The following EPB41L4A variants were observed in gnomAD, a reference collection of about 807,000 sequenced individuals.
EPB41L4A encodes the protein erythrocyte membrane protein band 4.1 like 4A.
In EPB41L4A, 100 loss-of-function variants were observed where a neutral mutation model predicts 108.6. The ratio of observed to expected loss-of-function variants is 0.92; its 90% CI spans 0.78 to 1.09. EPB41L4A has a LOEUF of 1.09. Ranked by LOEUF, EPB41L4A falls within the 50% of genes least tolerant of loss-of-function variation. EPB41L4A has a pLI of 0.00. For missense variants in EPB41L4A, 1,030 were observed against 842.7 expected, an observed-to-expected ratio of 1.22 and a Z score of -2.75; for synonymous variants, 319 against 289.0, an observed-to-expected ratio of 1.10 and a Z score of -1.05.
At chr5:112,256,502 T>A (rs930287744) in intron 9 of EPB41L4A, among the ~76,000 whole-genome samples, 1 of 151,984 alleles carries the variant, frequency 6.6e-6, no homozygotes, top group African/African-American at 2.4e-5. Context: ...CGACTAGATA[T>A]GAGATAAATA....
chr5:112,156,669 A>C (rs1759658814), intron 12 of EPB41L4A, among the ~76,000 whole-genome samples: 1 of 152,234 alleles, frequency 6.6e-6, no homozygotes, highest in African/African-American at 2.4e-5. Context: ...TGTGATCCAG[A>C]GTTGATACAT....
chr5:112,357,183 G>A (rs1391873853), intron 1 of EPB41L4A, among the ~76,000 whole-genome samples: 1 of 152,150 alleles, frequency 6.6e-6, no homozygotes, highest in East Asian at 1.9e-4. Context: ...TGAAATAAAA[G>A]CCATACCCCT....
chr5:112,276,594 A>G (rs1316480514), intron 3 of EPB41L4A, among the ~76,000 whole-genome samples: 2 of 152,226 alleles, frequency 1.3e-5, no homozygotes, highest in Non-Finnish European at 2.9e-5. Flanking sequence ...AATTAAAAAG[A>G]AAAGATGTGA....
intron 1 of EPB41L4A, among the ~76,000 whole-genome samples, chr5:112,417,332 G>T (rs72783626): frequency 6.6e-6 from 1 of 152,298 alleles, no homozygotes; most frequent in Non-Finnish European, 1.5e-5. Context: ...TGATTAAATA[G>T]GAAGCTCACA....
chr5:112,146,499 A>C (rs1759263807), intron 12 of EPB41L4A, among the ~76,000 whole-genome samples: 1 of 152,252 alleles, frequency 6.6e-6, no homozygotes, highest in Non-Finnish European at 1.5e-5. Context: ...TCAAGCTAAC[A>C]GCAAGGTTAC....
downstream of EPB41L4A, among the ~76,000 whole-genome samples, chr5:112,159,817 T>A (rs1307641619): frequency 1.3e-5 from 2 of 152,248 alleles, no homozygotes; most frequent in African/African-American, 4.8e-5. Flanking sequence ...AAATATCTTA[T>A]TAATAATCTC....
chr5:112,393,300 G>C (rs554678958), intron 1 of EPB41L4A, among the ~76,000 whole-genome samples: 1 of 152,202 alleles, frequency 6.6e-6, no homozygotes, highest in East Asian at 1.9e-4. Context: ...ATGAATCCAG[G>C]AGCTGGTTTT....
At chr5:112,269,339 G>C (rs1317423426) in intron 4 of EPB41L4A, among the ~76,000 whole-genome samples, 2 of 151,756 alleles carry the variant, frequency 1.3e-5, no homozygotes, top group African/African-American at 4.8e-5. Context: ...AAGCATCTTA[G>C]TAGAGTCATA....
At chr5:112,401,185 C>A (rs564463475) in intron 1 of EPB41L4A, among the ~76,000 whole-genome samples, 2 of 152,290 alleles carry the variant, frequency 1.3e-5, no homozygotes, top group Admixed American at 6.5e-5. Flanking sequence ...ACCTGCAGAA[C>A]CTGAGTAATA....
chr5:112,406,675 G>A, intron 1 of EPB41L4A, among the ~76,000 whole-genome samples: 1 of 152,064 alleles, frequency 6.6e-6, no homozygotes, highest in East Asian at 1.9e-4. Flanking sequence ...TATGGGAGGT[G>A]ATGGGATTGG....
intron 2 of EPB41L4A, among the ~76,000 whole-genome samples, chr5:112,286,432 G>A (rs895601106): frequency 2.6e-5 from 4 of 152,048 alleles, no homozygotes; most frequent in African/African-American, 9.7e-5. Flanking sequence ...ATTTTATTCC[G>A]TCATTCTCCT....
intron 1 of EPB41L4A, among the ~76,000 whole-genome samples, chr5:112,377,375 TGTATG>T (rs1759887519): frequency 1.3e-5 from 2 of 152,324 alleles, no homozygotes; most frequent in African/African-American, 4.8e-5. Flanking sequence ...AGGATCTCTC[TGTATG>T]GTTTCTTAAA....
At chr5:112,266,142 T>G in intron 5 of EPB41L4A, 91 bp downstream of exon 5, 1 of 896,818 alleles carries the variant, frequency 1.1e-6, no homozygotes. Flanking sequence ...ATCTCATGGA[T>G]AAGAAGAGTT....
intron 2 of EPB41L4A, among the ~76,000 whole-genome samples, chr5:112,286,562 G>T (rs1030238386): frequency 5.9e-5 from 9 of 152,132 alleles, no homozygotes; most frequent in African/African-American, 2.2e-4. Flanking sequence ...TAAGAGAAAT[G>T]CGTATGCATC....
At chr5:112,227,930 T>A (rs1367863229) in intron 12 of EPB41L4A, among the ~76,000 whole-genome samples, 3 of 151,842 alleles carry the variant, frequency 2.0e-5, no homozygotes, top group Admixed American at 2.0e-4. Context: ...CTATGGGGGG[T>A]CCAGAGCTGT....
chr5:112,346,216 A>ATGTTTTTTTTT (rs1757661481), intron 1 of EPB41L4A, among the ~76,000 whole-genome samples: 1 of 67,294 alleles, frequency 1.5e-5, no homozygotes, highest in Non-Finnish European at 3.1e-5. Flanking sequence ...GGTACATTGC[A>ATGTTTTTTTTT]TTTTTTTTTT....
intron 6 of EPB41L4A, 34 bp downstream of exon 6, chr5:112,264,862 A>C (rs776388412): frequency 6.3e-7 from 1 of 1,594,026 alleles, no homozygotes. Context: ...TGACTGATGG[A>C]TGATGCAATA....
chr5:112,331,758 G>A (rs1756585695), intron 1 of EPB41L4A, among the ~76,000 whole-genome samples: 1 of 152,196 alleles, frequency 6.6e-6, no homozygotes, highest in Non-Finnish European at 1.5e-5. Flanking sequence ...TCGGCCCCCA[G>A]AAGCAAGTGG....
chr5:112,292,779 C>T (rs35662194), intron 2 of EPB41L4A, among the ~76,000 whole-genome samples: 51 of 152,114 alleles, frequency 3.4e-4, no homozygotes, highest in Non-Finnish European at 6.8e-4. Flanking sequence ...TTTATCAGAG[C>T]TTTGTGTCGA....
Sources: allele counts gnomAD v4.1 joint callset (sites outside exome capture counted in the v4.1 genomes callset), GRCh38; gene constraint gnomAD v4.1.1; transcripts MANE v1.5; gene names NCBI Gene and HGNC (gene_info 2026-07-23, HGNC 2026-07-21).